SPEF2: variants seen among roughly 807,000 people sequenced by gnomAD.
SPEF2 encodes the protein sperm flagella and cilia-associated protein 2.
In SPEF2, 187 loss-of-function variants were observed where a neutral mutation model predicts 224.6. The observed-to-expected ratio is 0.83, with a 90% CI of 0.74 to 0.94. The LOEUF (loss-of-function observed/expected upper bound fraction) is 0.94. SPEF2 is among the 40% of genes least tolerant of loss of function. The pLI, the probability that SPEF2 is intolerant of heterozygous loss-of-function variation, is 0.00. For synonymous variants in SPEF2, 715 were observed against 707.3 expected, an observed-to-expected ratio of 1.01 and a Z score of -0.17; for missense variants, 2,170 against 2,135.6, an observed-to-expected ratio of 1.02 and a Z score of -0.32.
intron 8 of SPEF2, among the ~76,000 whole-genome samples, chr5:35,664,233 A>G (rs1406873186): frequency 1.3e-5 from 2 of 150,674 alleles, no homozygotes; most frequent in Non-Finnish European, 2.9e-5. Flanking sequence ...TGGCATGTAA[A>G]GTCCATAAGG....
chr5:35,656,704 T>C (rs1337793498), intron 7 of SPEF2, among the ~76,000 whole-genome samples: 1 of 152,200 alleles, frequency 6.6e-6, no homozygotes, highest in Admixed American at 6.5e-5. Flanking sequence ...CACTTTCCAC[T>C]AGGATGCTAT....
At chr5:35,671,378 A>C (rs1207935165) in intron 10 of SPEF2, 1 of 961,992 alleles carries the variant, frequency 1.0e-6, no homozygotes, top group East Asian at 1.1e-4. Flanking sequence ...TATTTGTAGC[A>C]CTAAGAGAAT....
chr5:35,632,623 CT>C (rs1745294388), intron 2 of SPEF2, among the ~76,000 whole-genome samples: 2 of 151,994 alleles, frequency 1.3e-5, no homozygotes, highest in Admixed American at 6.6e-5. Context: ...GTTTAGTTTT[CT>C]TTTTGTAGTT....
intron 20 of SPEF2, among the ~76,000 whole-genome samples, chr5:35,713,201 G>A (rs905574918): frequency 1.3e-5 from 2 of 152,070 alleles, no homozygotes; most frequent in Admixed American, 1.3e-4. Flanking sequence ...ACTGAATCAA[G>A]TTTTCTTGGA....
intron 5 of SPEF2, among the ~76,000 whole-genome samples, chr5:35,647,101 A>G (rs551638735): frequency 1.3e-5 from 2 of 152,240 alleles, no homozygotes; most frequent in Non-Finnish European, 2.9e-5. Context: ...AGTAGGTCAG[A>G]ATGGGTGCTG....
At chr5:35,623,064 G>T (rs1743746354) in intron 1 of SPEF2, among the ~76,000 whole-genome samples, 1 of 152,222 alleles carries the variant, frequency 6.6e-6, no homozygotes, top group African/African-American at 2.4e-5. Flanking sequence ...TAGATTTGTT[G>T]TAACAAGGGA....
At position 35,692,628 on chromosome 5, in the gene SPEF2, T is replaced by C; in HGVS notation, c.1803T>C (p.Phe601=). ...TTGTCCAAGAAGCTATCCAAGCATT[T>C]CATGACAATGAAAAAGTCAGTGAGG... The part of the protein sequence containing the change: ...DTLVQEAIQA[F]HDNEKVSEVL... The change falls in exon 12 of 37, where the codon TTT becomes TTC. Residue 601 remains phenylalanine, a synonymous_variant. Coordinates refer to ENST00000356031, the MANE Select transcript of SPEF2 (RefSeq NM_024867.4). The C allele has an allele frequency of 1.2e-6, 2 of 1,613,798 alleles. No individual in the cohort carries two copies. Among genetic ancestry groups the C allele is most frequent in the South Asian group, 2.2e-5 (2 of 91,062 alleles).
intron 33 of SPEF2, among the ~76,000 whole-genome samples, chr5:35,796,333 C>T (rs1237684226): frequency 2.0e-5 from 3 of 152,092 alleles, no homozygotes; most frequent in Non-Finnish European, 4.4e-5. Flanking sequence ...TGCGGCCGGG[C>T]GCGGTGGCTC....
chr5:35,753,874 G>A lies in SPEF2; in HGVS notation c.3468+113G>A. On this transcript the variant is annotated intron_variant, in intron 24 of 36. Coordinates refer to ENST00000356031, the MANE Select transcript of SPEF2 (RefSeq NM_024867.4). ...AGAGGTCTGTTCAGGGCTCATTTTG[G>A]TATAGCACTATGCCTGGTATGAGCT... The A allele has an allele frequency of 2.3e-6, 3 of 1,315,762 alleles. No individual in the cohort carries two copies. The South Asian group carries it at 4.1e-5, about 18-fold the overall frequency. 81.5% of individuals were successfully genotyped at this position (1,315,762 alleles called of 1,614,324 possible).
intron 30 of SPEF2, among the ~76,000 whole-genome samples, chr5:35,783,020 A>T (rs1393137742): frequency 1.3e-5 from 2 of 152,230 alleles, no homozygotes; most frequent in African/African-American, 2.4e-5. Flanking sequence ...CCTGCCACTT[A>T]ACAAAGATCC....
In SPEF2 at chr5:35,776,372, G is replaced by A; in HGVS notation, c.4194G>A (p.Glu1398=). The A allele has an allele frequency of 6.2e-7, 1 of 1,609,428 alleles. No individual in the cohort carries two copies. Among genetic ancestry groups the A allele is most frequent in the Non-Finnish European group, 8.5e-7 (1 of 1,178,194 alleles). The change falls in exon 29 of 37, where the codon GAG becomes GAA. Residue 1398 remains glutamate (E), a synonymous_variant. Coordinates refer to ENST00000356031, the MANE Select transcript of SPEF2 (RefSeq NM_024867.4). The part of the protein sequence containing the change: ...VYKLMEKWLG[E]RYLNEMASTE... ...AACTCATGGAAAAATGGCTTGGTGA[G>A]AGGTATTTGAATGAAATGGCCAGGT... is the stretch of plus-strand genomic sequence containing the variant.
chr5:35,807,093 G>A, intron 35 of SPEF2, 38 bp from the exon 36 acceptor site: 5 of 1,595,054 alleles, frequency 3.1e-6, no homozygotes, highest in Non-Finnish European at 4.3e-6. Context: ...CTACTGGATT[G>A]TGAGGTTGAT....
chr5:35,671,251 G>A, intron 10 of SPEF2: 1 of 981,208 alleles, frequency 1.0e-6, no homozygotes, highest in Non-Finnish European at 1.2e-6. Flanking sequence ...AAAGAAAAGT[G>A]CAAAATAACA....
chr5:35,716,563 G>A (rs187549684), intron 20 of SPEF2, among the ~76,000 whole-genome samples: 91 of 152,144 alleles, frequency 6.0e-4, no homozygotes, highest in African/African-American at 2.1e-3. Flanking sequence ...ATACATTGGA[G>A]CCATGTAGTT....
At position 35,793,141 on chromosome 5, in the gene SPEF2, T is replaced by C. The variant is rs1756190072; in HGVS notation, c.4555-18T>C. ...GATTCATGTAGATATTCCAAAGATATTTCCTGTTTTCTTCTAGTTACAGGA... is the reference window on the plus strand; with the variant it reads ...GATTCATGTAGATATTCCAAAGATACTTCCTGTTTTCTTCTAGTTACAGGA... On this transcript the variant is annotated intron_variant, in intron 31 of 36. Transcript: ENST00000356031. 2 of 1,606,294 alleles carry C rather than the reference T, an allele frequency of 1.2e-6. No homozygotes were observed. The highest frequency in any genetic ancestry group is 1.7e-6 in the Non-Finnish European group (2 of 1,174,714).
intron 1 of SPEF2, among the ~76,000 whole-genome samples, chr5:35,620,171 C>T (rs997404805): frequency 4.6e-5 from 7 of 152,194 alleles, no homozygotes; most frequent in Non-Finnish European, 8.8e-5. Flanking sequence ...TTTGTGCACT[C>T]AAGGAAGCAC....
intron 30 of SPEF2, among the ~76,000 whole-genome samples, chr5:35,786,412 C>T (rs56016314): frequency 0.047 from 7,151 of 152,288 alleles, 477 homozygotes; most frequent in African/African-American, 0.14. Context: ...GTAATCCCAG[C>T]ACTTTGGGAA....
chr5:35,764,438 G>A (rs1751793935), intron 26 of SPEF2: 1 of 378,662 alleles, frequency 2.6e-6, no homozygotes, highest in Admixed American at 3.3e-5. Flanking sequence ...AAGGGAAAGG[G>A]GAGGCATACA....
intron 26 of SPEF2, among the ~76,000 whole-genome samples, chr5:35,768,580 T>C (rs538695349): frequency 6.6e-6 from 1 of 152,224 alleles, no homozygotes; most frequent in Non-Finnish European, 1.5e-5. Context: ...AATGAAATAA[T>C]GTATGTAAAG....
Sources: gnomAD v4.1 joint callset for allele counts (sites outside exome capture counted in the v4.1 genomes callset) on GRCh38, gnomAD v4.1.1 for gene constraint, MANE v1.5 for transcripts, NCBI Gene and HGNC (gene_info 2026-07-23, HGNC 2026-07-21) for gene names.